EGLN3: variants seen among roughly 807,000 people sequenced by gnomAD.
EGLN3 encodes prolyl hydroxylase EGLN3.
A neutral mutation model predicts 26.0 loss-of-function variants in EGLN3; 15 were observed. That is an observed-to-expected ratio of 0.58 (90% CI 0.39 to 0.89). The LOEUF (loss-of-function observed/expected upper bound fraction) is 0.89, where lower values mean the gene tolerates loss of function less well. Among genes scored for constraint, EGLN3 ranks in the 40% least tolerant of loss-of-function variants. The pLI is 0.00. For synonymous variants in EGLN3, 147 were observed against 127.2 expected (o/e 1.16, Z -1.05); for missense variants, 238 against 311.6 (o/e 0.76, Z 1.78).
intron 1 of EGLN3, among the ~76,000 whole-genome samples, chr14:33,933,520 G>T (rs2064419245): frequency 6.6e-6 from 1 of 152,032 alleles, no homozygotes; most frequent in South Asian, 2.1e-4. Flanking sequence ...CTCTCTCCTG[G>T]TTCCAGAAAC....
At chr14:33,927,108 C>T (rs536030655) in intron 3 of EGLN3, 75 bp from the exon 4 acceptor site, 1 of 1,021,724 alleles carries the variant, frequency 9.8e-7, no homozygotes, top group South Asian at 2.8e-5. Context: ...ATAAATCTCA[C>T]ATTAAAAGTT....
Position 33,931,151 on chromosome 14 carries a change from C to A in EGLN3, c.422G>T (p.Gly141Val). The A allele has an allele frequency of 6.2e-7, 1 of 1,614,192 alleles. No homozygotes were observed. Among genetic ancestry groups the A allele is most frequent in the Non-Finnish European group, 8.5e-7 (1 of 1,180,032 alleles). ...GATGCAGGTGATGCAGCGACCATCA[C>A]CGTTGGGGTTGTCCACGTGGCGAAC... ...GYVRHVDNPN[G>V]DGRCITCIYY... The change falls in exon 2 of 5, where the codon GGT (glycine) becomes GTT (valine). Residue 141 changes from glycine (G) to valine (V), a missense_variant. Gly to Val is a moderately radical substitution (Grantham distance 109, BLOSUM62 -3). Coordinates refer to ENST00000250457, the MANE Select transcript of EGLN3 (RefSeq NM_022073.4).
intron 1 of EGLN3, among the ~76,000 whole-genome samples, chr14:33,939,203 AT>A (rs1443017351): frequency 7.6e-6 from 1 of 132,184 alleles, no homozygotes; most frequent in African/African-American, 2.8e-5. Context: ...CCTTGAAACA[AT>A]CATCTTTTTT....
At chr14:33,941,762 T>A (rs555483453) in intron 1 of EGLN3, among the ~76,000 whole-genome samples, 2 of 152,102 alleles carry the variant, frequency 1.3e-5, no homozygotes, top group Admixed American at 1.3e-4. Context: ...AATAAATCCA[T>A]GTACTGGGCA....
Position 33,950,681 on chromosome 14 carries a change from G to C in EGLN3, c.72C>G (p.His24Gln). The C allele has an allele frequency of 1.9e-6, 3 of 1,614,056 alleles. No homozygotes were observed. The highest frequency in any genetic ancestry group is 2.5e-6 in the Non-Finnish European group (3 of 1,179,962). The change falls in exon 1 of 5, where the codon CAC (histidine) becomes CAG (glutamine). Residue 24 changes from histidine (H) to glutamine (Q), a missense_variant. His to Gln is a conservative substitution (Grantham distance 24, BLOSUM62 0). Transcript: ENST00000250457. ...IALEYIVPCLHEVGFCYLDNF... is the reference protein window; with the variant it reads ...IALEYIVPCLQEVGFCYLDNF... ...TGTCCAGGTAGCAGAAGCCCACCTC[G>C]TGCAGACAGGGCACGATGTACTCCA...
chr14:33,950,947 G>A lies in EGLN3; in HGVS notation c.-195C>T, dbSNP rs1394586641. 7 of 608,296 alleles carry A rather than the reference G, an allele frequency of 1.2e-5. No homozygotes were observed. The highest frequency in any genetic ancestry group is 1.8e-5 in the African/African-American group (1 of 54,072). The allele number at this position is 608,296 out of a possible 1,614,324, so 37.7% of individuals were successfully genotyped here. A position where few individuals can be genotyped will look rare whatever the true frequency, so the allele number is the denominator to read the frequency against. On this transcript the variant is annotated 5_prime_UTR_variant, in exon 1 of 5. Coordinates refer to ENST00000250457, the MANE Select transcript of EGLN3 (RefSeq NM_022073.4). ...CTCTCGGGAGAAGGGATCTGCCTTC[G>A]GGAACCAGCGGGAGTGGTGCGGAGC...
intron 1 of EGLN3, among the ~76,000 whole-genome samples, chr14:33,943,294 T>C (rs2064495926): frequency 6.6e-6 from 1 of 152,312 alleles, no homozygotes; most frequent in African/African-American, 2.4e-5. Flanking sequence ...AAATGATTTG[T>C]CTGTTGTATT....
rs150518863 is a variant in EGLN3, at chr14:33,934,037, C to T, written c.358-2822G>A. Among the ~76,000 whole-genome samples, 340 of 152,294 alleles carry T rather than the reference C, an allele frequency of 2.2e-3. 1 individual carries two copies. Among genetic ancestry groups the T allele is most frequent in the African/African-American group, 7.4e-3 (306 of 41,554 alleles). On this transcript the variant is annotated intron_variant, in intron 1 of 4. Coordinates refer to ENST00000250457, the MANE Select transcript of EGLN3 (RefSeq NM_022073.4). ...TGACTAGATTAATATTTGAAGTTTA[C>T]GCAAGTTTAACACAGTAGTGTCATC...
chr14:33,935,913 CACA>C (rs2064438986), intron 1 of EGLN3, among the ~76,000 whole-genome samples: 1 of 152,056 alleles, frequency 6.6e-6, no homozygotes, highest in East Asian at 1.9e-4. Flanking sequence ...ACGACACAGG[CACA>C]ACAACACAGA....
chr14:33,935,616 C>T (rs201324138), intron 1 of EGLN3, among the ~76,000 whole-genome samples: 1 of 139,468 alleles, frequency 7.2e-6, no homozygotes, highest in African/African-American at 2.7e-5. Context: ...CACACACACA[C>T]ACACATATAT....
At chr14:33,947,868 G>T (rs1212162670) in intron 1 of EGLN3, among the ~76,000 whole-genome samples, 3 of 152,198 alleles carry the variant, frequency 2.0e-5, no homozygotes, top group African/African-American at 7.2e-5. Flanking sequence ...CGGCCAACAT[G>T]GTGAAACCCC....
chr14:33,942,624 T>C (rs1650824440), intron 1 of EGLN3, among the ~76,000 whole-genome samples: 1 of 152,190 alleles, frequency 6.6e-6, no homozygotes, highest in Non-Finnish European at 1.5e-5. Context: ...GGGTCTCACA[T>C]TAGAATAAAA....
chr14:33,940,095 A>C (rs1298901950), intron 1 of EGLN3, among the ~76,000 whole-genome samples: 2 of 152,220 alleles, frequency 1.3e-5, no homozygotes, highest in Non-Finnish European at 2.9e-5. Flanking sequence ...GGGAATTTTA[A>C]CAAAGGCAAG....
At position 33,925,766 on chromosome 14, in the gene EGLN3, G is replaced by T; in HGVS notation, c.*125C>A. The T allele has an allele frequency of 9.2e-7, 1 of 1,092,414 alleles. No individual in the cohort carries two copies. The highest frequency in any genetic ancestry group is 1.4e-6 in the Non-Finnish European group (1 of 723,476). The allele number at this position is 1,092,414 out of a possible 1,614,324, so 67.7% of individuals were successfully genotyped here. ...AGTACCACACACAAGACAGGGATGT[G>T]AAGGATGCAAGAAGTAGCAGGGAGA... On this transcript the variant is annotated 3_prime_UTR_variant, in exon 5 of 5. Coordinates refer to ENST00000250457, the MANE Select transcript of EGLN3 (RefSeq NM_022073.4).
chr14:33,927,997 T>G (rs1566596452), intron 3 of EGLN3, among the ~76,000 whole-genome samples: 1 of 152,168 alleles, frequency 6.6e-6, no homozygotes, highest in Non-Finnish European at 1.5e-5. Context: ...GCTACTTCCG[T>G]AGCTAACAAT....
intron 1 of EGLN3, among the ~76,000 whole-genome samples, chr14:33,940,658 A>G (rs1470386499): frequency 6.6e-6 from 1 of 152,128 alleles, no homozygotes; most frequent in Admixed American, 6.5e-5. Flanking sequence ...TCCAGGGACC[A>G]CAGAGAACCA....
At chr14:33,944,395 C>T (rs1032072171) in intron 1 of EGLN3, among the ~76,000 whole-genome samples, 1 of 152,184 alleles carries the variant, frequency 6.6e-6, no homozygotes, top group African/African-American at 2.4e-5. Context: ...GCTGGGATTA[C>T]AGGTGTGAGC....
At chr14:33,933,271 G>A (rs1594377529) in intron 1 of EGLN3, among the ~76,000 whole-genome samples, 1 of 149,610 alleles carries the variant, frequency 6.7e-6, no homozygotes, top group Non-Finnish European at 1.5e-5. Flanking sequence ...AGGTCATTAA[G>A]GAGTGTTTCT....
chr14:33,940,383 GT>G (rs974216663), intron 1 of EGLN3, among the ~76,000 whole-genome samples: 32 of 144,762 alleles, frequency 2.2e-4, no homozygotes, highest in East Asian at 4.0e-4. Flanking sequence ...ATCGTTTTTT[GT>G]TTTTTTTTTT....
Sources: gnomAD v4.1 joint callset for allele counts (sites outside exome capture counted in the v4.1 genomes callset) on GRCh38, gnomAD v4.1.1 for gene constraint, MANE v1.5 for transcripts, NCBI Gene and HGNC (gene_info 2026-07-23, HGNC 2026-07-21) for gene names.